HAT1: variants seen among roughly 807,000 people sequenced by gnomAD.
The protein encoded by HAT1 is histone acetyltransferase type B catalytic subunit.
A neutral mutation model predicts 56.6 loss-of-function variants in HAT1; 20 were observed. The ratio of observed to expected loss-of-function variants is 0.35; its 90% CI spans 0.25 to 0.51. HAT1 has a LOEUF of 0.51. Among genes scored for constraint, HAT1 ranks in the 20% least tolerant of loss-of-function variants. HAT1 has a pLI of 0.95. For missense variants in HAT1, 408 were observed against 504.3 expected (o/e 0.81, Z 1.83); for synonymous variants, 146 against 165.5 (o/e 0.88, Z 0.91).
intron 2 of HAT1, among the ~76,000 whole-genome samples, chr2:171,926,794 GGTATCT>G (rs974904048): frequency 2.6e-5 from 4 of 152,176 alleles, no homozygotes; most frequent in African/African-American, 7.2e-5. Flanking sequence ...TATACTGCCA[GGTATCT>G]GTCTACTCAA....
chr2:171,938,019 A>T (rs962275308), intron 2 of HAT1, among the ~76,000 whole-genome samples: 7 of 105,268 alleles, frequency 6.6e-5, no homozygotes, highest in Non-Finnish European at 1.2e-4. Context: ...CTGTCTGTCT[A>T]CTGATTCTCT....
chr2:171,927,156 A>G (rs1686619396), intron 2 of HAT1, among the ~76,000 whole-genome samples: 1 of 152,220 alleles, frequency 6.6e-6, no homozygotes, highest in Admixed American at 6.5e-5. Context: ...AATGGGCCTG[A>G]CATTTCTTTT....
At chr2:171,953,981 T>C (rs1687378098) in intron 4 of HAT1, among the ~76,000 whole-genome samples, 2 of 151,934 alleles carry the variant, frequency 1.3e-5, no homozygotes, top group Non-Finnish European at 2.9e-5. Context: ...GGTGACAGAG[T>C]GAAACTGTCT....
chr2:171,957,196 T>C (rs1291918497), intron 4 of HAT1, among the ~76,000 whole-genome samples: 1 of 152,198 alleles, frequency 6.6e-6, no homozygotes, highest in Non-Finnish European at 1.5e-5. Flanking sequence ...CTAATAAAAC[T>C]GCTCAGCTGC....
intron 4 of HAT1, 23 bp from the exon 5 acceptor site, chr2:171,965,315 T>G: frequency 2.1e-6 from 3 of 1,434,520 alleles, no homozygotes; most frequent in Non-Finnish European, 2.9e-6. Flanking sequence ...TGTTATTAAT[T>G]TTTTATATCC....
intron 8 of HAT1, among the ~76,000 whole-genome samples, chr2:171,975,312 C>T (rs575263844): frequency 3.9e-5 from 6 of 152,152 alleles, no homozygotes; most frequent in South Asian, 4.2e-4. Flanking sequence ...ACCATGTTGG[C>T]CAGGCTGGTC....
At chr2:171,971,958 G>A (rs1420965613) in intron 8 of HAT1, among the ~76,000 whole-genome samples, 1 of 152,108 alleles carries the variant, frequency 6.6e-6, no homozygotes, top group African/African-American at 2.4e-5. Flanking sequence ...CAGGAGTACA[G>A]GGTCCCAAAG....
chr2:171,965,618 T>G, intron 5 of HAT1, 101 bp downstream of exon 5: 1 of 994,194 alleles, frequency 1.0e-6, no homozygotes, highest in Non-Finnish European at 1.5e-6. Flanking sequence ...GTAAACAAGT[T>G]TTAATCAGCA....
At chr2:171,954,754 A>G (rs954292342) in intron 4 of HAT1, among the ~76,000 whole-genome samples, 2 of 152,228 alleles carry the variant, frequency 1.3e-5, no homozygotes, top group Non-Finnish European at 2.9e-5. Context: ...AAAGATATCC[A>G]TGTCCTAATA....
At chr2:171,938,733 T>C (rs1686940240) in intron 2 of HAT1, among the ~76,000 whole-genome samples, 1 of 152,122 alleles carries the variant, frequency 6.6e-6, no homozygotes, top group African/African-American at 2.4e-5. Context: ...AGATTTGAAG[T>C]TGTCTGAAAC....
At chr2:171,961,093 G>C (rs1687561716) in intron 4 of HAT1, among the ~76,000 whole-genome samples, 2 of 152,114 alleles carry the variant, frequency 1.3e-5, no homozygotes, top group Non-Finnish European at 2.9e-5. Context: ...AGGAAGCCGA[G>C]TTCGCGCCAC....
intron 2 of HAT1, among the ~76,000 whole-genome samples, chr2:171,934,106 CATT>C (rs1352259874): frequency 6.6e-6 from 1 of 152,176 alleles, no homozygotes; most frequent in Non-Finnish European, 1.5e-5. Flanking sequence ...TGACCTTACT[CATT>C]ATAAAATGTT....
intron 2 of HAT1, among the ~76,000 whole-genome samples, chr2:171,936,185 A>T (rs1339478689): frequency 3.3e-5 from 5 of 152,222 alleles, no homozygotes; most frequent in African/African-American, 1.2e-4. Flanking sequence ...CCTGGAGCTA[A>T]ATTATTCAAA....
intron 2 of HAT1, among the ~76,000 whole-genome samples, chr2:171,936,875 G>A (rs1014719435): frequency 4.6e-5 from 7 of 152,148 alleles, no homozygotes; most frequent in African/African-American, 1.7e-4. Context: ...ACTATACCCC[G>A]TGGGGGCCAG....
At position 171,966,447 on chromosome 2, in the gene HAT1, C is replaced by A; in HGVS notation, c.650C>A (p.Ala217Glu). The change falls in exon 7 of 11, where the codon GCG becomes GAG. Residue 217 changes from alanine (A) to glutamate (E), a missense_variant. Physicochemically the swap from Ala to Glu is moderately radical, Grantham distance 107 (BLOSUM62 -1). Transcript: ENST00000264108. ...AATAAGGATGGAGCTACGCTCTTTG[C>A]GACCGTAGGCTACATGACAGTCTAT... ...KYNKDGATLF[A>E]TVGYMTVYNY... 2 of 1,599,728 alleles carry A rather than the reference C, an allele frequency of 1.3e-6. No homozygotes were observed. The highest frequency in any genetic ancestry group is 1.7e-6 in the Non-Finnish European group (2 of 1,166,898).
intron 2 of HAT1, among the ~76,000 whole-genome samples, chr2:171,930,910 C>T (rs1365245335): frequency 6.6e-6 from 1 of 152,060 alleles, no homozygotes; most frequent in African/African-American, 2.4e-5. Flanking sequence ...CCACCACACC[C>T]AGCTATAGGA....
chr2:171,949,664 ACT>A (rs1687255048), intron 3 of HAT1, among the ~76,000 whole-genome samples: 1 of 145,876 alleles, frequency 6.9e-6, no homozygotes, highest in African/African-American at 2.6e-5. Context: ...ACAGAGTGAG[ACT>A]CTGTCTCAAA....
chr2:171,981,171 A>G (rs970902764), intron 10 of HAT1, among the ~76,000 whole-genome samples: 6 of 152,096 alleles, frequency 3.9e-5, no homozygotes, highest in African/African-American at 9.7e-5. Context: ...TCCATCTCAA[A>G]AAAGAAGAAA....
At chr2:171,970,000 T>G (rs1687774808) in intron 8 of HAT1, among the ~76,000 whole-genome samples, 1 of 152,044 alleles carries the variant, frequency 6.6e-6, no homozygotes, top group Non-Finnish European at 1.5e-5. Flanking sequence ...AAAAAAATTT[T>G]TTTTAATTAG....
Sources: gnomAD v4.1 joint callset for allele counts (sites outside exome capture counted in the v4.1 genomes callset) on GRCh38, gnomAD v4.1.1 for gene constraint, MANE v1.5 for transcripts, NCBI Gene and HGNC (gene_info 2026-07-23, HGNC 2026-07-21) for gene names.